Variants in RELN observed in about 807,000 individuals in gnomAD.
RELN encodes reelin.
RELN carries 108 observed loss-of-function variants against 427.6 expected under a neutral mutation model. The observed-to-expected ratio is 0.25, with a 90% CI of 0.22 to 0.30. The LOEUF (loss-of-function observed/expected upper bound fraction) is 0.30, where lower values mean the gene tolerates loss of function less well. Ranked by LOEUF, RELN falls within the 10% of genes least tolerant of loss-of-function variation. The pLI is 1.00. For synonymous variants in RELN, 1,524 were observed against 1,513.4 expected, an observed-to-expected ratio of 1.01 and a Z score of -0.16; for missense variants, 3,715 against 4,302.8, an observed-to-expected ratio of 0.86 and a Z score of 3.82.
chr7:103,800,187 A>C (rs539014314), intron 3 of RELN, among the ~76,000 whole-genome samples: 54 of 152,284 alleles, frequency 3.5e-4, no homozygotes, highest in South Asian at 3.3e-3. Context: ...GGAGGAGAGG[A>C]AGTCAAATTG....
In RELN at chr7:103,551,205, A is replaced by G. The variant is rs1190177632; in HGVS notation, c.6164T>C (p.Leu2055Pro). ...RDFGATWHLL[L>P]PLCYHSSSHV... is the part of the protein sequence containing the mutation. ...GCTGCTGCTGTGGTAGCAGAGGGGC[A>G]GCAGAAGGTGCCAGGTCGCCCCGAA... Residue 2055 changes from leucine to proline, a missense_variant, in exon 41 of 65, where the codon CTG becomes CCG. Physicochemically the swap from Leu to Pro is moderately conservative, Grantham distance 98. Transcript: ENST00000428762. 2 of 1,614,028 alleles carry G rather than the reference A, an allele frequency of 1.2e-6. No homozygotes were observed. Among genetic ancestry groups the G allele is most frequent in the African/African-American group, 2.7e-5 (2 of 74,926 alleles).
chr7:103,690,599 T>A (rs891023057), intron 10 of RELN, among the ~76,000 whole-genome samples: 1 of 152,062 alleles, frequency 6.6e-6, no homozygotes, highest in African/African-American at 2.4e-5. Flanking sequence ...AAGGATACAA[T>A]ATTCTGTGAA....
At chr7:103,709,940 T>G (rs967841678) in intron 8 of RELN, among the ~76,000 whole-genome samples, 1 of 152,088 alleles carries the variant, frequency 6.6e-6, no homozygotes, top group African/African-American at 2.4e-5. Flanking sequence ...GAAGATAAGA[T>G]GTAATCAGAA....
chr7:103,835,727 T>G (rs962455003), intron 2 of RELN, among the ~76,000 whole-genome samples: 7 of 152,198 alleles, frequency 4.6e-5, no homozygotes, highest in East Asian at 1.9e-4. Context: ...TTTACTCTCT[T>G]TGAGATCCAG....
At chr7:103,849,974 G>A (rs937655277) in intron 2 of RELN, among the ~76,000 whole-genome samples, 6 of 152,080 alleles carry the variant, frequency 3.9e-5, no homozygotes, top group Non-Finnish European at 7.4e-5. Context: ...ATTTTCCTAT[G>A]CAACTCCTTC....
chr7:103,656,732 G>T (rs766704123), intron 12 of RELN, among the ~76,000 whole-genome samples: 3 of 152,024 alleles, frequency 2.0e-5, no homozygotes, highest in Admixed American at 6.6e-5. Context: ...GTATGGATCA[G>T]GGTTTCTTTT....
chr7:103,648,881 A>G (rs545307179), intron 16 of RELN, among the ~76,000 whole-genome samples: 1 of 152,204 alleles, frequency 6.6e-6, no homozygotes, highest in East Asian at 1.9e-4. Flanking sequence ...TAAAACCACA[A>G]TGAGATACCA....
intron 3 of RELN, among the ~76,000 whole-genome samples, chr7:103,794,880 G>A (rs1792261085): frequency 6.6e-6 from 1 of 152,058 alleles, no homozygotes; most frequent in Non-Finnish European, 1.5e-5. Context: ...AGCTGATTCA[G>A]AAACCCTGGT....
At chr7:103,959,703 C>T (rs1439867355) in intron 1 of RELN, among the ~76,000 whole-genome samples, 1 of 152,098 alleles carries the variant, frequency 6.6e-6, no homozygotes, top group African/African-American at 2.4e-5. Flanking sequence ...TTAAACCTCC[C>T]TAGCTCACGT....
rs1175381014 is a variant in RELN, at chr7:103,753,217, G to C, written c.545-3C>G. 1.9e-6 allele frequency: 3 copies of C among 1,613,818 alleles called. No homozygotes were observed. In the South Asian group the frequency reaches 3.3e-5, roughly 18 times the overall value. On this transcript the variant is annotated splice_region_variant and splice_polypyrimidine_tract_variant and intron_variant, in intron 4 of 64. Transcript: ENST00000428762. ...GTGCACAGTGACATCTGTTGGAGCT[G>C]AATCAAGAGAGGAAAGAAGAAAGAC...
intron 58 of RELN, 130 bp downstream of exon 58, chr7:103,491,823 G>GTCTCTCTC (rs60846683): frequency 1.5e-4 from 64 of 429,152 alleles, no homozygotes; most frequent in Non-Finnish European, 1.8e-4. Flanking sequence ...GAGCGAAACT[G>GTCTCTCTC]TCTCTCTCTC....
At chr7:103,629,510 C>T (rs143095100) in intron 20 of RELN, among the ~76,000 whole-genome samples, 78 of 152,218 alleles carry the variant, frequency 5.1e-4, no homozygotes, top group African/African-American at 1.8e-3. Flanking sequence ...GAAAACAGAG[C>T]TACTCATGAT....
chr7:103,760,022 T>A (rs13243006), intron 4 of RELN, among the ~76,000 whole-genome samples: 49 of 117,786 alleles, frequency 4.2e-4, no homozygotes, highest in African/African-American at 1.5e-3. Flanking sequence ...TTTTTTTTTT[T>A]ACATCTTAGC....
intron 6 of RELN, among the ~76,000 whole-genome samples, chr7:103,746,090 C>T (rs1240720945): frequency 6.6e-6 from 1 of 151,976 alleles, no homozygotes; most frequent in African/African-American, 2.4e-5. Flanking sequence ...TGGAACAGAA[C>T]AGAGCCCTCA....
chr7:103,874,359 C>T (rs1563064580), intron 2 of RELN, among the ~76,000 whole-genome samples: 1 of 139,962 alleles, frequency 7.1e-6, no homozygotes, highest in Non-Finnish European at 1.6e-5. Flanking sequence ...CTGACCAGGG[C>T]AATTAGGCAG....
chr7:103,989,412 T>G lies in RELN; in HGVS notation c.-56A>C. The G allele has an allele frequency of 5.9e-6, 8 of 1,356,794 alleles. No homozygotes were observed. The highest frequency in any genetic ancestry group is 7.6e-6 in the Non-Finnish European group (8 of 1,059,400). The allele number at this position is 1,356,794 out of a possible 1,614,324, so 84.0% of individuals were successfully genotyped here. A position where few individuals can be genotyped will look rare whatever the true frequency, so the allele number is the denominator to read the frequency against. Reference sequence around the variant, plus strand: ...CCTACGCGCCGCTCGCTCATTCAGTTTTGGAGACGCCGGGACGGAGGAGCC... The same window carrying G: ...CCTACGCGCCGCTCGCTCATTCAGTGTTGGAGACGCCGGGACGGAGGAGCC... On this transcript the variant is annotated 5_prime_UTR_variant, in exon 1 of 65. Coordinates refer to ENST00000428762, the MANE Select transcript of RELN (RefSeq NM_005045.4). The surrounding 1 kb of genome is among the most constrained non-coding windows in gnomAD (Gnocchi z 4.9).
Position 103,551,112 on chromosome 7 carries a change from C to G in RELN, c.6257G>C (p.Gly2086Ala). Reference protein sequence around the residue: ...SSTYYAGTMQGWRREVVHFGK... With the variant: ...SSTYYAGTMQAWRREVVHFGK... ...AAAGTGCACGACCTCCCTCCTCCAGCCCTGCATGGTTCCTGCGTAGTAGGT... is the reference window on the plus strand; with the variant it reads ...AAAGTGCACGACCTCCCTCCTCCAGGCCTGCATGGTTCCTGCGTAGTAGGT... The change falls in exon 41 of 65, where the codon GGC (glycine) becomes GCC (alanine). Residue 2086 changes from glycine to alanine, a missense_variant. Physicochemically the swap from Gly to Ala is moderately conservative, Grantham distance 60. Around this residue, in one of 4 missense-constraint regions of RELN, gnomAD observed 1,310 missense variants for 1,643.0 expected, o/e 0.80. Transcript: ENST00000428762. The G allele has an allele frequency of 6.2e-7, 1 of 1,613,998 alleles. No homozygotes were observed. The highest frequency in any genetic ancestry group is 1.1e-5 in the South Asian group (1 of 91,068).
intron 3 of RELN, among the ~76,000 whole-genome samples, chr7:103,798,456 GC>G (rs1272714141): frequency 3.9e-5 from 6 of 152,292 alleles, no homozygotes; most frequent in African/African-American, 1.4e-4. Context: ...TATCTGCCTG[GC>G]AGGTAATCAT....
chr7:103,557,979 C>G lies in RELN; in HGVS notation c.5600G>C (p.Arg1867Thr), dbSNP rs1830562342. Reference protein sequence around the residue: ...TNTMYVQFSLRFIAKSTPERS... With the variant: ...TNTMYVQFSLTFIAKSTPERS... ...TTCATACTTACTTTTTGCTATAAATCTAAGTGAAAACTGGACATACATTGT... is the reference window on the plus strand; with the variant it reads ...TTCATACTTACTTTTTGCTATAAATGTAAGTGAAAACTGGACATACATTGT... Residue 1867 changes from arginine to threonine, a missense_variant, in exon 37 of 65, where the codon AGA becomes ACA. Around this residue, in one of 4 missense-constraint regions of RELN, gnomAD observed 2,208 missense variants for 2,361.7 expected, o/e 0.93. Coordinates refer to ENST00000428762, the MANE Select transcript of RELN (RefSeq NM_005045.4). 1 of 1,375,348 alleles carries G rather than the reference C, an allele frequency of 7.3e-7. No individual in the cohort carries two copies. The highest frequency in any genetic ancestry group is 1.4e-5 in the African/African-American group (1 of 70,536). 85.2% of individuals were successfully genotyped at this position (1,375,348 alleles called of 1,614,324 possible). A position where few individuals can be genotyped will look rare whatever the true frequency, so the allele number is the denominator to read the frequency against.
Sources: gnomAD v4.1 joint callset for allele counts (sites outside exome capture counted in the v4.1 genomes callset) on GRCh38, gnomAD v4.1.1 for gene constraint, gnomAD v4.1.1 regional missense constraint, Gnocchi (gnomAD v3.1) non-coding constraint, MANE v1.5 for transcripts, NCBI Gene and HGNC (gene_info 2026-07-23, HGNC 2026-07-21) for gene names.